The following SEMA3A variants were observed in gnomAD, a reference collection of about 807,000 sequenced individuals.
SEMA3A encodes semaphorin-3A.
A neutral mutation model predicts 97.9 loss-of-function variants in SEMA3A; 29 were observed. The ratio of observed to expected loss-of-function variants is 0.30; its 90% confidence interval spans 0.22 to 0.40. The LOEUF (loss-of-function observed/expected upper bound fraction) is 0.40. SEMA3A is among the 10% of genes least tolerant of loss of function. The pLI is 1.00. For synonymous variants in SEMA3A, 321 were observed against 323.7 expected (o/e 0.99, Z 0.09); for missense variants, 763 against 951.3 (o/e 0.80, Z 2.60).
intron 2 of SEMA3A, among the ~76,000 whole-genome samples, chr7:84,334,046 T>C (rs58655769): frequency 0.081 from 12,311 of 152,154 alleles, 850 homozygotes; most frequent in African/African-American, 0.18. Flanking sequence ...ATTGACTAAA[T>C]ACTAAAAACA....
chr7:84,330,293 T>C (rs1332823414), intron 2 of SEMA3A, among the ~76,000 whole-genome samples: 1 of 152,088 alleles, frequency 6.6e-6, no homozygotes, highest in East Asian at 1.9e-4. Flanking sequence ...ATTTTCATAG[T>C]ACATTTCAAA....
At chr7:84,014,475 G>T in intron 6 of SEMA3A, 124 bp from the exon 7 acceptor site, 4 of 737,266 alleles carry the variant, frequency 5.4e-6, no homozygotes, top group Non-Finnish European at 8.6e-6. Context: ...TCTTTCGTTT[G>T]TTCATTTTGT....
chr7:84,159,201 T>C (rs889346895), intron 1 of SEMA3A, among the ~76,000 whole-genome samples: 3 of 152,148 alleles, frequency 2.0e-5, no homozygotes, highest in African/African-American at 7.2e-5. Flanking sequence ...ACATAGTACA[T>C]AGTGAACAGC....
intron 3 of SEMA3A, among the ~76,000 whole-genome samples, chr7:84,212,561 A>G (rs1033890153): frequency 2.0e-5 from 3 of 152,204 alleles, no homozygotes; most frequent in East Asian, 1.9e-4. Flanking sequence ...TATTCATTAT[A>G]CTAGTCAACA....
At chr7:84,145,161 C>G (rs1384323600) in intron 1 of SEMA3A, among the ~76,000 whole-genome samples, 13 of 152,238 alleles carry the variant, frequency 8.5e-5, no homozygotes, top group Non-Finnish European at 1.5e-4. Flanking sequence ...ATTCACCTTT[C>G]AAGACCCAAG....
chr7:84,486,001 T>C (rs1286705637), intron 1 of SEMA3A, among the ~76,000 whole-genome samples: 1 of 152,144 alleles, frequency 6.6e-6, no homozygotes, highest in African/African-American at 2.4e-5. Flanking sequence ...TTTGGTGAAA[T>C]GGAAATTAGA....
intron 1 of SEMA3A, among the ~76,000 whole-genome samples, chr7:84,401,318 C>A (rs2372455): frequency 6.6e-6 from 1 of 151,866 alleles, no homozygotes; most frequent in African/African-American, 2.4e-5. Flanking sequence ...GAGATCTCTA[C>A]AGTGAAAATG....
intron 11 of SEMA3A, among the ~76,000 whole-genome samples, chr7:84,004,806 G>T (rs1473285322): frequency 6.6e-6 from 1 of 152,154 alleles, no homozygotes; most frequent in Non-Finnish European, 1.5e-5. Context: ...ATTTATTAAA[G>T]GTGAATTATA....
At chr7:84,406,502 C>T (rs1373064505) in intron 1 of SEMA3A, among the ~76,000 whole-genome samples, 1 of 152,170 alleles carries the variant, frequency 6.6e-6, no homozygotes, top group Non-Finnish European at 1.5e-5. Context: ...CCTTCTGAAA[C>T]TATTCCAATC....
Position 84,024,273 on chromosome 7 carries a change from C to T in SEMA3A, c.668-9922G>A, listed in dbSNP as rs141450193. 3.3e-3 allele frequency among the ~76,000 whole-genome samples: 505 copies of T among 152,274 alleles called. 2 individuals carry two copies. Among genetic ancestry groups the T allele is most frequent in the African/African-American group, 0.012 (484 of 41,566 alleles). On this transcript the variant is annotated intron_variant, in intron 6 of 16. Transcript: ENST00000265362. ...ATAACAACTTGGCTGGGCGCGGTGG[C>T]TCACGCCTGTAATCCCGGCACCATG...
intron 2 of SEMA3A, among the ~76,000 whole-genome samples, chr7:84,331,768 A>C (rs1801914721): frequency 6.6e-6 from 1 of 152,094 alleles, no homozygotes; most frequent in African/African-American, 2.4e-5. Context: ...GCAAGTAATA[A>C]GAGAGAATGA....
intron 5 of SEMA3A, among the ~76,000 whole-genome samples, chr7:84,049,939 C>T (rs867633772): frequency 6.8e-6 from 1 of 146,050 alleles, no homozygotes; most frequent in African/African-American, 2.5e-5. Context: ...TGTTCAATTC[C>T]CACCTATGAG....
Position 83,960,910 on chromosome 7 carries a change from G to A in SEMA3A, c.*461C>T, listed in dbSNP as rs73180176. On this transcript the variant is annotated 3_prime_UTR_variant, in exon 17 of 17. Coordinates refer to ENST00000265362, the MANE Select transcript of SEMA3A (RefSeq NM_006080.3). Reference sequence around the variant, plus strand: ...ACTCCTCAAGTACATACAAACATGAGGGCCGGTAGACAAAATATATCCTTG... The same window carrying A: ...ACTCCTCAAGTACATACAAACATGAAGGCCGGTAGACAAAATATATCCTTG... 17,024 of 168,190 alleles carry A rather than the reference G, an allele frequency of 0.1. 1,285 individuals are homozygous for A. Among genetic ancestry groups the A allele is most frequent in the African/African-American group, 0.21 (8,822 of 41,268 alleles). 10.4% of individuals were successfully genotyped at this position (168,190 alleles called of 1,614,324 possible).
rs148926531 is a variant in SEMA3A at position 84,173,815 on chromosome 7, C to A, written c.112+20660G>T. On this transcript the variant is annotated intron_variant, in intron 1 of 16. Coordinates refer to ENST00000265362, the MANE Select transcript of SEMA3A (RefSeq NM_006080.3). ...CAGCAGGAAGTGAGCAGCTGGAGAG[C>A]AAGCATTACTGCCTGAGCTCTGCCT... Among the ~76,000 whole-genome samples the A allele has an allele frequency of 5.3e-3, 811 of 152,136 alleles. 6 individuals are homozygous for A. The highest frequency in any genetic ancestry group is 0.018 in the African/African-American group (754 of 41,518).
intron 1 of SEMA3A, among the ~76,000 whole-genome samples, chr7:84,422,200 T>C (rs1321586731): frequency 6.6e-6 from 1 of 152,096 alleles, no homozygotes; most frequent in African/African-American, 2.4e-5. Context: ...TCAGAACTTG[T>C]TGCTGGTCTA....
chr7:84,417,265 G>T (rs1207132448), intron 1 of SEMA3A, among the ~76,000 whole-genome samples: 2 of 152,014 alleles, frequency 1.3e-5, no homozygotes, highest in East Asian at 1.9e-4. Flanking sequence ...AGTAAATATA[G>T]AAAGCTACAG....
chr7:84,411,393 G>T (rs1280442100), intron 1 of SEMA3A, among the ~76,000 whole-genome samples: 5 of 152,052 alleles, frequency 3.3e-5, no homozygotes, highest in Non-Finnish European at 7.4e-5. Context: ...AGGGATGCTA[G>T]AATGCTGGGT....
chr7:84,211,760 A>C (rs975468009), intron 3 of SEMA3A, among the ~76,000 whole-genome samples: 11 of 152,208 alleles, frequency 7.2e-5, no homozygotes, highest in African/African-American at 2.7e-4. Context: ...GCTGATTTTG[A>C]GAAGAGTAAC....
chr7:84,325,661 T>A (rs1036263965), intron 2 of SEMA3A, among the ~76,000 whole-genome samples: 15 of 151,934 alleles, frequency 9.9e-5, no homozygotes, highest in Non-Finnish European at 1.6e-4. Context: ...CTTGTATTTG[T>A]AAGGTTTTGA....
Sources: allele counts gnomAD v4.1 joint callset (sites outside exome capture counted in the v4.1 genomes callset), GRCh38; gene constraint gnomAD v4.1.1; transcripts MANE v1.5; gene names NCBI Gene and HGNC (gene_info 2026-07-23, HGNC 2026-07-21).